The following ZNF99 variants were observed in gnomAD, a reference collection of about 807,000 sequenced individuals.
ZNF99 encodes zinc finger protein 99, also known as zinc finger protein ENSP00000375192.
Under a neutral mutation model 12.8 loss-of-function variants are expected in ZNF99, and 8 were observed. The observed-to-expected ratio is 0.62, with a 90% CI of 0.37 to 1.13. The LOEUF is 1.13. ZNF99 is among the 50% of genes most tolerant of loss of function. ZNF99 has a pLI of 0.02. For synonymous variants in ZNF99, 318 were observed against 319.0 expected, an observed-to-expected ratio of 1.00 and a Z score of 0.03; for missense variants, 1,007 against 1,006.2, an observed-to-expected ratio of 1.00 and a Z score of -0.01.
intron 1 of ZNF99, among the ~76,000 whole-genome samples, chr19:22,775,750 C>T (rs1409919130): frequency 6.6e-6 from 1 of 152,196 alleles, no homozygotes; most frequent in Admixed American, 6.5e-5. Flanking sequence ...CGCAGCCAGG[C>T]GCGGTGGCTC....
intron 1 of ZNF99, among the ~76,000 whole-genome samples, chr19:22,780,649 C>T (rs1973377327): frequency 6.6e-6 from 1 of 151,192 alleles, no homozygotes; most frequent in African/African-American, 2.4e-5. Flanking sequence ...CAAGATCGTG[C>T]CATTGCACTC....
At position 22,769,186 on chromosome 19, in the gene ZNF99, AATC is replaced by A; in HGVS notation, c.130+9_130+11del. The A allele has an allele frequency of 1.9e-6, 3 of 1,602,728 alleles. No individual in the cohort carries two copies. The Admixed American group carries it at 5.1e-5, about 27-fold the overall frequency. ...AATATAATAGGAATTGCTTAATTAA[AATC>A]ATCCTCACCCAGGAAGACCAGGTTT... On this transcript the variant is annotated intron_variant, in intron 2 of 3. Transcript: ENST00000596209.
chr19:22,774,661 G>A (rs1411072210), intron 1 of ZNF99, among the ~76,000 whole-genome samples: 4 of 152,158 alleles, frequency 2.6e-5, no homozygotes, highest in Admixed American at 6.5e-5. Flanking sequence ...TTTGAGGTCA[G>A]GAGTTGGAGA....
chr19:22,778,019 G>C (rs920626872), intron 1 of ZNF99, among the ~76,000 whole-genome samples: 11 of 118,794 alleles, frequency 9.3e-5, no homozygotes, highest in Non-Finnish European at 8.6e-5. Flanking sequence ...GTCGTGGGGT[G>C]GGGGGAGGGG....
chr19:22,778,585 C>T (rs1206655642), intron 1 of ZNF99, among the ~76,000 whole-genome samples: 1 of 152,160 alleles, frequency 6.6e-6, no homozygotes, highest in Non-Finnish European at 1.5e-5. Context: ...CATAACATTC[C>T]TCAAATTCAA....
intron 1 of ZNF99, among the ~76,000 whole-genome samples, chr19:22,781,849 A>G (rs1452879035): frequency 6.6e-6 from 1 of 152,158 alleles, no homozygotes; most frequent in African/African-American, 2.4e-5. Context: ...ACCCAGGACC[A>G]GGGAAAAAAC....
Position 22,756,506 on chromosome 19 carries a change from G to A in ZNF99, c.*808C>T, listed in dbSNP as rs549010993. 3.4e-5 allele frequency: 55 copies of A among 1,595,526 alleles called. 5 individuals are homozygous for A. In the Admixed American group the frequency reaches 7.6e-4, roughly 22 times the overall value. ...CTATGTTTAGTAAGGCGTGAGAAAT[G>A]GCTAAAAGCTTTGCCACGTTCTTCA... On this transcript the variant is annotated 3_prime_UTR_variant, in exon 4 of 4. Coordinates refer to ENST00000596209, the MANE Select transcript of ZNF99 (RefSeq NM_001080409.3).
rs186632119 is a variant in ZNF99 at position 22,754,684 on chromosome 19, T to A, written c.*2630A>T. The A allele has an allele frequency of 6.3e-6, 2 of 318,274 alleles. No homozygotes were observed. Among genetic ancestry groups the A allele is most frequent in the East Asian group, 1.7e-4 (2 of 11,586 alleles). The allele number at this position is 318,274 out of a possible 1,614,324, so 19.7% of individuals were successfully genotyped here. On this transcript the variant is annotated 3_prime_UTR_variant, in exon 4 of 4. Transcript: ENST00000596209. The stretch of plus-strand genomic sequence containing the variant: ...TAGGGCTAGTTTCCATTATGAATTA[T>A]CTTATGTTCAGTAAGGTTTGAGGAC...
At chr19:22,759,791 C>T (rs1173918268) in intron 3 of ZNF99, 109 bp from the exon 4 acceptor site, 1 of 717,696 alleles carries the variant, frequency 1.4e-6, no homozygotes, top group Non-Finnish European at 2.1e-6. Context: ...GATGGCACAG[C>T]AAAATAAGAC....
At chr19:22,778,859 T>C (rs1973356281) in intron 1 of ZNF99, among the ~76,000 whole-genome samples, 1 of 151,882 alleles carries the variant, frequency 6.6e-6, no homozygotes, top group African/African-American at 2.4e-5. Flanking sequence ...ACAAAAAAAT[T>C]AGCTGGGCGT....
rs777579478 is a variant in ZNF99 at position 22,759,624 on chromosome 19, G to A, written c.285C>T (p.Phe95=). Residue 95 remains phenylalanine (F), a synonymous_variant, in exon 4 of 4, where the codon TTC becomes TTT. Coordinates refer to ENST00000596209, the MANE Select transcript of ZNF99 (RefSeq NM_001080409.3). ...CATATGTTCTCAATATTATTTCTTG[G>A]AAAGAATCTTTTATGCTCTGATCTG... ...FWPDQSIKDS[F]QEIILRTYAR... The A allele has an allele frequency of 1.3e-6, 2 of 1,595,100 alleles. No individual in the cohort carries two copies. Among genetic ancestry groups the A allele is most frequent in the Non-Finnish European group, 1.7e-6 (2 of 1,174,680 alleles).
chr19:22,759,557 C>T lies in ZNF99; in HGVS notation c.352G>A (p.Glu118Lys), dbSNP rs2145144106. ...TGCATCTTACCCTCATTGACACTTTCACAATCTTTTCTTAATCGTAAATTC... is the reference window on the plus strand; with the variant it reads ...TGCATCTTACCCTCATTGACACTTTTACAATCTTTTCTTAATCGTAAATTC... ...HKNLRLRKDC[E>K]SVNEGKMHEE... is the part of the protein sequence containing the mutation. The change falls in exon 4 of 4, where the codon GAA (glutamate) becomes AAA (lysine). Residue 118 changes from glutamate to lysine, a missense_variant. By Grantham distance (56) the Glu-to-Lys change is moderately conservative. Coordinates refer to ENST00000596209, the MANE Select transcript of ZNF99 (RefSeq NM_001080409.3). 6.2e-7 allele frequency: 1 copy of T among 1,611,918 alleles called. No homozygotes were observed. Among genetic ancestry groups the T allele is most frequent in the Non-Finnish European group, 8.5e-7 (1 of 1,179,336 alleles).
chr19:22,752,588 G>T lies in ZNF99; in HGVS notation c.*4726C>A, dbSNP rs1242627041. On this transcript the variant is annotated 3_prime_UTR_variant, in exon 4 of 4. Coordinates refer to ENST00000596209, the MANE Select transcript of ZNF99 (RefSeq NM_001080409.3). ...CCACTGAAAAAAAGAGATTACTAGA[G>T]ATGTTATTCCACTCTTACCAAATAG... The T allele has an allele frequency of 6.6e-6, 1 of 151,960 alleles. No homozygotes were observed. The highest frequency in any genetic ancestry group is 1.5e-5 in the Non-Finnish European group (1 of 67,982). 9.4% of individuals were successfully genotyped at this position (151,960 alleles called of 1,614,324 possible).
At chr19:22,774,812 G>A (rs918406722) in intron 1 of ZNF99, among the ~76,000 whole-genome samples, 2 of 152,160 alleles carry the variant, frequency 1.3e-5, no homozygotes, top group Admixed American at 1.3e-4. Flanking sequence ...AGAGGTTGCA[G>A]TGAGCCGAGA....
At position 22,759,391 on chromosome 19, in the gene ZNF99, A is replaced by G; in HGVS notation, c.518T>C (p.Phe173Ser). 6.4e-7 allele frequency: 1 copy of G among 1,563,146 alleles called. No individual in the cohort carries two copies. Residue 173 changes from phenylalanine to serine, a missense_variant, in exon 4 of 4, where the codon TTC becomes TCC. Physicochemically the swap from Phe to Ser is radical, Grantham distance 155. Transcript: ENST00000596209. Reference protein sequence around the residue: ...YKIRHTKKKTFKCMKCSKSFF... With the variant: ...YKIRHTKKKTSKCMKCSKSFF... ...TGATTTGCTACATTTCATACATTTG[A>G]AAGTTTTCTTTTTAGTGTGTCTAAT...
chr19:22,763,684 C>T (rs1296291207), intron 3 of ZNF99, among the ~76,000 whole-genome samples: 1 of 151,852 alleles, frequency 6.6e-6, no homozygotes, highest in African/African-American at 2.4e-5. Context: ...CAAGACTAAG[C>T]AAAAAGAACA....
intron 3 of ZNF99, among the ~76,000 whole-genome samples, chr19:22,766,721 G>A (rs1486319692): frequency 6.7e-6 from 1 of 148,554 alleles, no homozygotes; most frequent in South Asian, 2.1e-4. Context: ...GCGCCATCTC[G>A]GCTTACCACA....
Position 22,755,324 on chromosome 19 carries a change from TA to T in ZNF99, c.*1989del. 3.9e-6 allele frequency: 1 copy of T among 254,566 alleles called. No individual in the cohort carries two copies. The allele number at this position is 254,566 out of a possible 1,614,324, so 15.8% of individuals were successfully genotyped here. A position where few individuals can be genotyped will look rare whatever the true frequency, so the allele number is the denominator to read the frequency against. ...TCAGTATCAACTATTTTCTGTTGAG[TA>T]AGGTCTGAAAACCAGTTAAAAGCTT... On this transcript the variant is annotated 3_prime_UTR_variant, in exon 4 of 4. Transcript: ENST00000596209.
intron 1 of ZNF99, among the ~76,000 whole-genome samples, chr19:22,776,512 G>GA (rs1973330582): frequency 9.1e-6 from 1 of 110,052 alleles, no homozygotes; most frequent in African/African-American, 3.2e-5. Flanking sequence ...GAAAAGCAAA[G>GA]AAAAACCACA....
Sources: allele counts gnomAD v4.1 joint callset (sites outside exome capture counted in the v4.1 genomes callset), GRCh38; gene constraint gnomAD v4.1.1; transcripts MANE v1.5; gene names NCBI Gene and HGNC (gene_info 2026-07-23, HGNC 2026-07-21).